Variants in CFAP99 observed in about 807,000 individuals in gnomAD.
CFAP99 encodes cilia- and flagella-associated protein 99.
A neutral mutation model predicts 82.7 loss-of-function variants in CFAP99; 84 were observed. That is an observed-to-expected ratio of 1.02 (90% confidence interval 0.85 to 1.22). The LOEUF (loss-of-function observed/expected upper bound fraction) is 1.22, where lower values mean the gene tolerates loss of function less well. Among genes scored for constraint, CFAP99 ranks in the 50% most tolerant of loss-of-function variants. CFAP99 has a pLI of 0.00. For synonymous variants in CFAP99, 456 were observed against 429.5 expected (o/e 1.06, Z -0.76); for missense variants, 1,059 against 983.5 (o/e 1.08, Z -1.03).
exon 12 of CFAP99, chr4:2,458,819 G>C (rs36086854): frequency 6.5e-7 from 1 of 1,535,884 alleles, no homozygotes; most frequent in Admixed American, 2.0e-5. Context: ...GCAGAAGAAC[G>C]CCAAGGCGGC....
At chr4:2,434,949 T>C (rs911468546) in intron 2 of CFAP99, among the ~76,000 whole-genome samples, 1 of 152,086 alleles carries the variant, frequency 6.6e-6, no homozygotes, top group African/African-American at 2.4e-5. Flanking sequence ...CAAGGTCATG[T>C]GGCTTGTGCA....
chr4:2,444,727 C>G (rs942395071), intron 5 of CFAP99, among the ~76,000 whole-genome samples: 1 of 152,206 alleles, frequency 6.6e-6, no homozygotes, highest in African/African-American at 2.4e-5. Context: ...CCAGAATGTT[C>G]CTTTCCAAAA....
At position 2,446,444 on chromosome 4, in the gene CFAP99, G is replaced by A. The variant is rs1734168407; in HGVS notation, c.642+1136G>A. Among the ~76,000 whole-genome samples the A allele has an allele frequency of 6.6e-6, 1 of 151,986 alleles. No individual in the cohort carries two copies. On this transcript the variant is annotated intron_variant, in intron 6 of 14. Transcript: ENST00000635017. The surrounding 1 kb of genome is among the most constrained non-coding windows in gnomAD (Gnocchi z 5.0). Reference sequence around the variant, plus strand: ...GTCTCGCTCTGTCACCCAGGCTGGAGTGCAGTGGCACGATCTTGGCTCACT... The same window carrying A: ...GTCTCGCTCTGTCACCCAGGCTGGAATGCAGTGGCACGATCTTGGCTCACT...
chr4:2,426,894 C>T (rs1733696590), intron 2 of CFAP99: 1 of 317,064 alleles, frequency 3.2e-6, no homozygotes, highest in Non-Finnish European at 6.0e-6. Context: ...ATGCCCCACC[C>T]CCACTTTGGG....
intron 14 of CFAP99, among the ~76,000 whole-genome samples, chr4:2,461,760 C>T (rs1234748093): frequency 6.6e-6 from 1 of 152,118 alleles, no homozygotes; most frequent in East Asian, 1.9e-4. Context: ...TATCCTAAGG[C>T]TGTGAGGTCC....
chr4:2,444,386 C>T (rs1159381146), intron 5 of CFAP99, among the ~76,000 whole-genome samples: 1 of 152,238 alleles, frequency 6.6e-6, no homozygotes, highest in Admixed American at 6.5e-5. Context: ...GTTGGGAGCA[C>T]TGGGGCCTGG....
At chr4:2,438,986 C>T (rs80191095) in intron 4 of CFAP99, among the ~76,000 whole-genome samples, 4,483 of 152,196 alleles carry the variant, frequency 0.029, 228 homozygotes, top group African/African-American at 0.1. Context: ...ATTGGCACCC[C>T]GAGGGGGAGC....
At chr4:2,439,047 G>A (rs912366028) in intron 4 of CFAP99, among the ~76,000 whole-genome samples, 2 of 152,202 alleles carry the variant, frequency 1.3e-5, no homozygotes, top group Admixed American at 6.5e-5. Context: ...GTGGGAAGCT[G>A]GCACACACAG....
Position 2,462,589 on chromosome 4 carries a change from C to A in CFAP99, c.1808C>A (p.Ala603Glu). Residue 603 changes from alanine (A) to glutamate (E), a missense_variant, in exon 15 of 15, where the codon GCG becomes GAG. Transcript: ENST00000635017. The surrounding 1 kb of genome is among the most constrained non-coding windows in gnomAD (Gnocchi z 4.1). ...CTGCACGTGTCGGCGCCGCGGACCGCGCGCCCCAAGCCCCGGGTGAGTCCG... is the reference window on the plus strand; with the variant it reads ...CTGCACGTGTCGGCGCCGCGGACCGAGCGCCCCAAGCCCCGGGTGAGTCCG... The A allele has an allele frequency of 7.0e-7, 1 of 1,426,286 alleles. No individual in the cohort carries two copies. 88.4% of individuals were successfully genotyped at this position (1,426,286 alleles called of 1,614,324 possible).
At chr4:2,443,106 C>T (rs1734086657) in intron 4 of CFAP99, 24 bp from the exon 5 acceptor site, 1 of 1,357,124 alleles carries the variant, frequency 7.4e-7, no homozygotes, top group African/African-American at 1.5e-5. Context: ...GCTCCGGCCC[C>T]CTGACAGCCC....
At chr4:2,449,858 G>T in intron 7 of CFAP99, 76 bp from the exon 8 acceptor site, 5 of 1,530,546 alleles carry the variant, frequency 3.3e-6, no homozygotes, top group Non-Finnish European at 4.4e-6. Flanking sequence ...AGGCTGGGTG[G>T]AAGTTCGTCC....
At chr4:2,442,660 A>G (rs1015125569) in intron 4 of CFAP99, among the ~76,000 whole-genome samples, 1 of 152,082 alleles carries the variant, frequency 6.6e-6, no homozygotes, top group Non-Finnish European at 1.5e-5. Context: ...TCCCCATCCA[A>G]CTGGCTTTCG....
At position 2,462,489 on chromosome 4, in the gene CFAP99, C is replaced by T; in HGVS notation, c.1708C>T (p.Gln570Ter). The T allele has an allele frequency of 1.4e-6, 2 of 1,475,364 alleles. No homozygotes were observed. The highest frequency in any genetic ancestry group is 2.6e-5 in the South Asian group (2 of 77,826). The allele number at this position is 1,475,364 out of a possible 1,614,324, so 91.4% of individuals were successfully genotyped here. A position where few individuals can be genotyped will look rare whatever the true frequency, so the allele number is the denominator to read the frequency against. Residue 570 changes from glutamine to a stop codon, truncating the protein, a stop_gained, in exon 15 of 15, where the codon CAG (glutamine) becomes TAG (stop). Transcript: ENST00000635017. LOFTEE classifies it low-confidence loss of function (END_TRUNC). This position sits in a 1 kb window ranked among gnomAD's most constrained non-coding sequence, Gnocchi z 4.1. ...TGCGGCGGCCCCGGCGGCGCCCTCG[C>T]AGGACGAGCGCGTGCAGCAGCTGCG...
At position 2,448,262 on chromosome 4, in the gene CFAP99, C is replaced by T. The variant is rs1454486104; in HGVS notation, c.643-1408C>T. Among the ~76,000 whole-genome samples, 4 of 152,202 alleles carry T rather than the reference C, an allele frequency of 2.6e-5. No individual in the cohort carries two copies. Among genetic ancestry groups the T allele is most frequent in the African/African-American group, 9.7e-5 (4 of 41,434 alleles). On this transcript the variant is annotated intron_variant, in intron 6 of 14. Coordinates refer to ENST00000635017, the Ensembl canonical transcript of CFAP99. The surrounding 1 kb of genome is among the most constrained non-coding windows in gnomAD (Gnocchi z 5.2). ...TGTTTGTCTCAGGTCATGCTGCCAACTTCATCTCTCTCTCTGTCTCTGCCA... is the reference window on the plus strand; with the variant it reads ...TGTTTGTCTCAGGTCATGCTGCCAATTTCATCTCTCTCTCTGTCTCTGCCA...
chr4:2,435,381 C>T (rs1182904416), intron 2 of CFAP99, among the ~76,000 whole-genome samples: 3 of 151,610 alleles, frequency 2.0e-5, no homozygotes, highest in Non-Finnish European at 4.4e-5. Context: ...TTCCTACATG[C>T]TCTATATGCC....
At chr4:2,455,690 T>TA (rs1202399289) in intron 11 of CFAP99, among the ~76,000 whole-genome samples, 11 of 151,736 alleles carry the variant, frequency 7.2e-5, no homozygotes, top group African/African-American at 2.7e-4. Flanking sequence ...CCGTCTCAAA[T>TA]AAAAAAAAGA....
exon 12 of CFAP99, chr4:2,458,835 C>G (rs73791833): frequency 1.3e-6 from 2 of 1,535,560 alleles, no homozygotes; most frequent in East Asian, 2.4e-5. Context: ...GCGGCCCAGA[C>G]GAAGCTCGCG....
intron 4 of CFAP99, among the ~76,000 whole-genome samples, chr4:2,441,372 CAAAAAA>C (rs35201791): frequency 8.3e-6 from 1 of 120,154 alleles, no homozygotes; most frequent in Admixed American, 8.5e-5. Flanking sequence ...GACTCCATCT[CAAAAAA>C]AAAAAAAAAA....
In CFAP99 at chr4:2,462,339, C is replaced by G; in HGVS notation, c.1662-104C>G. 8.6e-7 allele frequency: 1 copy of G among 1,160,036 alleles called. No homozygotes were observed. Among genetic ancestry groups the G allele is most frequent in the Non-Finnish European group, 1.1e-6 (1 of 885,684 alleles). The allele number at this position is 1,160,036 out of a possible 1,614,324, so 71.9% of individuals were successfully genotyped here. ...AAATCATTCCGGTGAACCTCTCCGG[C>G]TGCGTAGCTCCTTGCCCCCGCGTCG... On this transcript the variant is annotated intron_variant, in intron 14 of 14. Coordinates refer to ENST00000635017, the Ensembl canonical transcript of CFAP99. This position sits in a 1 kb window ranked among gnomAD's most constrained non-coding sequence, Gnocchi z 4.1.
Sources: allele counts gnomAD v4.1 joint callset (sites outside exome capture counted in the v4.1 genomes callset), GRCh38; gene constraint gnomAD v4.1.1; non-coding constraint Gnocchi (gnomAD v3.1); transcripts MANE v1.5; gene names NCBI Gene and HGNC (gene_info 2026-07-23, HGNC 2026-07-21).